Variants in CLNK observed in about 807,000 individuals in gnomAD.
The protein encoded by CLNK is cytokine dependent hematopoietic cell linker.
In CLNK, 74 loss-of-function variants were observed where a neutral mutation model predicts 68.6. The ratio of observed to expected loss-of-function variants is 1.08; its 90% confidence interval spans 0.89 to 1.31. The LOEUF (loss-of-function observed/expected upper bound fraction) is 1.31, where lower values mean the gene tolerates loss of function less well. Ranked by LOEUF, CLNK falls within the 50% of genes most tolerant of loss-of-function variation. CLNK has a pLI of 0.00. For missense variants in CLNK, 553 were observed against 515.3 expected, an observed-to-expected ratio of 1.07 and a Z score of -0.71; for synonymous variants, 198 against 172.2, an observed-to-expected ratio of 1.15 and a Z score of -1.17.
chr4:10,546,690 A>ATT (rs1372852472), intron 8 of CLNK, among the ~76,000 whole-genome samples: 26 of 151,366 alleles, frequency 1.7e-4, no homozygotes, highest in African/African-American at 6.3e-4. Flanking sequence ...TGCTTTCCAC[A>ATT]TTTTCAGGTA....
chr4:10,605,554 C>T (rs751400675), intron 2 of CLNK, among the ~76,000 whole-genome samples: 26 of 151,972 alleles, frequency 1.7e-4, no homozygotes, highest in Non-Finnish European at 3.2e-4. Flanking sequence ...GGGTGGGGCA[C>T]GGTGGCTCAC....
the CLNK span, among the ~76,000 whole-genome samples, chr4:10,719,422 T>G: frequency 4.6e-5 from 7 of 151,954 alleles, no homozygotes; most frequent in Admixed American, 3.9e-4. Flanking sequence ...TGTATTAACA[T>G]TAGATAAAGT....
intron 3 of CLNK, among the ~76,000 whole-genome samples, chr4:10,590,211 T>A (rs913463721): frequency 6.6e-6 from 1 of 152,262 alleles, no homozygotes; most frequent in Non-Finnish European, 1.5e-5. Context: ...TATTTTTAAT[T>A]TGTAATACTT....
intron 2 of CLNK, among the ~76,000 whole-genome samples, chr4:10,663,417 T>C (rs1339416928): frequency 6.6e-6 from 1 of 152,226 alleles, no homozygotes; most frequent in Non-Finnish European, 1.5e-5. Flanking sequence ...TCTTTACATA[T>C]GGCTAATGCT....
chr4:10,712,065 T>C, the CLNK span, among the ~76,000 whole-genome samples: 5 of 152,180 alleles, frequency 3.3e-5, no homozygotes, highest in Non-Finnish European at 5.9e-5. Context: ...GTGAGTTAGA[T>C]GTCTCACCCA....
At chr4:10,632,495 T>C (rs1257889450) in intron 2 of CLNK, among the ~76,000 whole-genome samples, 1 of 152,262 alleles carries the variant, frequency 6.6e-6, no homozygotes, top group Non-Finnish European at 1.5e-5. Flanking sequence ...CTACAACCTT[T>C]GTGTGACTAT....
the CLNK span, among the ~76,000 whole-genome samples, chr4:10,711,345 A>G: frequency 6.6e-6 from 1 of 152,210 alleles, no homozygotes; most frequent in African/African-American, 2.4e-5. Flanking sequence ...GTGCTTTCTA[A>G]CTTGGGTCTT....
the CLNK span, among the ~76,000 whole-genome samples, chr4:10,721,926 C>T: frequency 6.6e-6 from 1 of 152,154 alleles, no homozygotes; most frequent in African/African-American, 2.4e-5. Context: ...CCTGTAATCC[C>T]AGCACTTTTA....
the CLNK span, among the ~76,000 whole-genome samples, chr4:10,704,030 G>C: frequency 1.3e-5 from 2 of 152,186 alleles, no homozygotes; most frequent in Non-Finnish European, 2.9e-5. Flanking sequence ...ATTTGAGAGT[G>C]TATGGTGGTG....
intron 2 of CLNK, among the ~76,000 whole-genome samples, chr4:10,616,895 C>T (rs1391688519): frequency 6.6e-6 from 1 of 151,232 alleles, no homozygotes; most frequent in African/African-American, 2.4e-5. Context: ...GGCTAACCCA[C>T]CTTAAAGCAT....
At chr4:10,576,200 G>T (rs1720558068) in intron 4 of CLNK, among the ~76,000 whole-genome samples, 1 of 152,142 alleles carries the variant, frequency 6.6e-6, no homozygotes, top group Non-Finnish European at 1.5e-5. Context: ...TCCCCTCATG[G>T]ACCCAGATCC....
chr4:10,611,745 C>T (rs1053435729), intron 2 of CLNK, among the ~76,000 whole-genome samples: 3 of 152,260 alleles, frequency 2.0e-5, no homozygotes, highest in African/African-American at 7.2e-5. Context: ...TGGCTCCTGC[C>T]TTCTGTCCTC....
chr4:10,619,482 C>T (rs1722346660), intron 2 of CLNK, among the ~76,000 whole-genome samples: 1 of 152,108 alleles, frequency 6.6e-6, no homozygotes, highest in African/African-American at 2.4e-5. Flanking sequence ...GCTACCATCC[C>T]TCCCAAAGCA....
chr4:10,561,358 G>T lies in CLNK; in HGVS notation c.400-2906C>A, dbSNP rs537119780. On this transcript the variant is annotated intron_variant, in intron 7 of 18. Coordinates refer to ENST00000226951, the MANE Select transcript of CLNK (RefSeq NM_052964.4). ...GTAGTTCCACCTGCAAAGTGATCTA[G>T]CCAAAGGAAGAAACTTGTTTTTAAC... is the stretch of plus-strand genomic sequence containing the variant. 1.2e-3 allele frequency among the ~76,000 whole-genome samples: 179 copies of T among 152,260 alleles called. 4 individuals carry two copies. The South Asian group carries it at 0.035, about 30-fold the overall frequency.
At chr4:10,557,417 A>G (rs4698069) in intron 8 of CLNK, among the ~76,000 whole-genome samples, 52,018 of 151,898 alleles carry the variant, frequency 0.34, 9,419 homozygotes, top group African/African-American at 0.44. Context: ...TGGGGCATTT[A>G]CTCCCTTGGT....
chr4:10,659,690 T>C (rs544255848), intron 2 of CLNK, among the ~76,000 whole-genome samples: 32 of 152,284 alleles, frequency 2.1e-4, no homozygotes, highest in African/African-American at 7.0e-4. Context: ...GCAACTGATA[T>C]CTGGCTTATG....
chr4:10,648,928 A>C (rs1723623352), intron 2 of CLNK, among the ~76,000 whole-genome samples: 1 of 152,158 alleles, frequency 6.6e-6, no homozygotes, highest in Non-Finnish European at 1.5e-5. Flanking sequence ...TGGTTTTTGC[A>C]TCTTAATATA....
the CLNK span, among the ~76,000 whole-genome samples, chr4:10,728,579 CCTTTCTTT>C: frequency 1.1e-3 from 111 of 104,172 alleles, no homozygotes; most frequent in Admixed American, 2.7e-3. Context: ...TGTGATGTAT[CCTTTCTTT>C]CTTTCTTTCT....
At chr4:10,689,745 ATTT>A (rs71651341), upstream of CLNK, among the ~76,000 whole-genome samples, 4 of 100,078 alleles carry the variant, frequency 4.0e-5, no homozygotes, top group African/African-American at 1.1e-4. Flanking sequence ...AAACCCATGC[ATTT>A]TTTTTTTTTT....
Sources: gnomAD v4.1 joint callset for allele counts (sites outside exome capture counted in the v4.1 genomes callset) on GRCh38, gnomAD v4.1.1 for gene constraint, MANE v1.5 for transcripts, NCBI Gene and HGNC (gene_info 2026-07-23, HGNC 2026-07-21) for gene names.